Variants in LUZP2 observed in about 807,000 individuals in gnomAD.
LUZP2 encodes the protein leucine zipper protein 2.
Under a neutral mutation model 51.6 loss-of-function variants are expected in LUZP2, and 52 were observed. The ratio of observed to expected loss-of-function variants is 1.01; its 90% CI spans 0.81 to 1.27. LUZP2 has a LOEUF of 1.27. Ranked by LOEUF, LUZP2 falls within the 50% of genes most tolerant of loss-of-function variation. The pLI is 0.00. For synonymous variants in LUZP2, 154 were observed against 137.3 expected, an observed-to-expected ratio of 1.12 and a Z score of -0.85; for missense variants, 436 against 395.4, an observed-to-expected ratio of 1.10 and a Z score of -0.87.
At chr11:24,664,867 A>T (rs370365406) in intron 1 of LUZP2, among the ~76,000 whole-genome samples, 2 of 152,174 alleles carry the variant, frequency 1.3e-5, no homozygotes, top group African/African-American at 4.8e-5. Context: ...AGAGCCCTCA[A>T]GGAGAACCTC....
At chr11:24,558,386 T>A (rs1240629779) in intron 1 of LUZP2, among the ~76,000 whole-genome samples, 6 of 152,128 alleles carry the variant, frequency 3.9e-5, no homozygotes, top group Non-Finnish European at 8.8e-5. Flanking sequence ...TTTGTTTTTT[T>A]TTCATATATC....
chr11:24,797,964 C>T (rs1849591994), intron 5 of LUZP2, among the ~76,000 whole-genome samples: 1 of 152,004 alleles, frequency 6.6e-6, no homozygotes, highest in African/African-American at 2.4e-5. Flanking sequence ...TGACATGATA[C>T]TAAGAAAAAT....
intron 1 of LUZP2, among the ~76,000 whole-genome samples, chr11:24,670,241 A>G (rs1186471025): frequency 6.6e-6 from 1 of 152,064 alleles, no homozygotes; most frequent in African/African-American, 2.4e-5. Flanking sequence ...CTGTGACCAC[A>G]GATAAGTCAC....
chr11:24,505,794 A>C (rs1191612226), intron 1 of LUZP2, among the ~76,000 whole-genome samples: 3 of 152,146 alleles, frequency 2.0e-5, no homozygotes, highest in Non-Finnish European at 4.4e-5. Flanking sequence ...GGGAACACTA[A>C]TTTAAACAAC....
intron 7 of LUZP2, among the ~76,000 whole-genome samples, chr11:24,963,075 C>T (rs904815527): frequency 8.5e-5 from 13 of 152,240 alleles, no homozygotes; most frequent in South Asian, 2.1e-4. Flanking sequence ...TGCAGAACAG[C>T]GGTTTTTCGT....
At chr11:24,639,733 G>A (rs1200538952) in intron 1 of LUZP2, among the ~76,000 whole-genome samples, 4 of 151,896 alleles carry the variant, frequency 2.6e-5, no homozygotes, top group Non-Finnish European at 4.4e-5. Flanking sequence ...TTACAGGCGT[G>A]AGCCACTGTG....
intron 5 of LUZP2, among the ~76,000 whole-genome samples, chr11:24,767,949 A>G (rs537488031): frequency 2.0e-3 from 298 of 149,194 alleles, no homozygotes; most frequent in Non-Finnish European, 3.6e-3. Flanking sequence ...CACTTTCAAA[A>G]CACCCTTTCT....
intron 5 of LUZP2, among the ~76,000 whole-genome samples, chr11:24,861,780 G>A (rs1401624406): frequency 6.6e-6 from 1 of 152,200 alleles, no homozygotes; most frequent in South Asian, 2.1e-4. Context: ...CTTTCAGGGA[G>A]CAGTCACAGT....
At chr11:25,042,026 A>G (rs10834588) in intron 9 of LUZP2, among the ~76,000 whole-genome samples, 57,778 of 152,054 alleles carry the variant, frequency 0.38, 13,336 homozygotes, top group East Asian at 0.77. Context: ...TCATGGAAAA[A>G]TTGTCTTCCA....
intron 1 of LUZP2, among the ~76,000 whole-genome samples, chr11:24,593,292 TG>T (rs1853320897): frequency 6.6e-6 from 1 of 152,152 alleles, no homozygotes; most frequent in African/African-American, 2.4e-5. Flanking sequence ...TTTTTGTCAT[TG>T]TATATCATTA....
At chr11:24,587,365 A>AT (rs1853105118) in intron 1 of LUZP2, among the ~76,000 whole-genome samples, 2 of 152,142 alleles carry the variant, frequency 1.3e-5, no homozygotes, top group South Asian at 4.1e-4. Flanking sequence ...ATCTGGAATT[A>AT]TTTTTATTAT....
intron 1 of LUZP2, among the ~76,000 whole-genome samples, chr11:24,534,799 G>A (rs1316841197): frequency 6.6e-6 from 1 of 151,424 alleles, no homozygotes; most frequent in Non-Finnish European, 1.5e-5. Flanking sequence ...TTTGAATGAT[G>A]CTGTGCATAA....
intron 1 of LUZP2, among the ~76,000 whole-genome samples, chr11:24,526,095 A>G (rs1211705146): frequency 1.3e-5 from 2 of 151,136 alleles, no homozygotes; most frequent in Non-Finnish European, 3.0e-5. Context: ...TTCTTTCTGC[A>G]GGGTATGAAT....
chr11:25,010,545 C>T lies in LUZP2; in HGVS notation c.765+27252C>T, dbSNP rs190625249. Among the ~76,000 whole-genome samples, 12 of 150,660 alleles carry T rather than the reference C, an allele frequency of 8.0e-5. No homozygotes were observed. The East Asian group carries it at 2.0e-3, about 25-fold the overall frequency. On this transcript the variant is annotated intron_variant, in intron 9 of 11. Coordinates refer to ENST00000336930, the MANE Select transcript of LUZP2 (RefSeq NM_001009909.4). ...CCTGGATGACAGAGCAAGAGTCCATCTCAGTAATAATAACAATAAGGCCGG... is the reference window on the plus strand; with the variant it reads ...CCTGGATGACAGAGCAAGAGTCCATTTCAGTAATAATAACAATAAGGCCGG...
At chr11:24,916,407 C>T (rs1853791150) in intron 7 of LUZP2, among the ~76,000 whole-genome samples, 1 of 151,896 alleles carries the variant, frequency 6.6e-6, no homozygotes, top group Admixed American at 6.6e-5. Flanking sequence ...ACTATGTATA[C>T]ATGTGCCTTG....
intron 5 of LUZP2, among the ~76,000 whole-genome samples, chr11:24,803,362 C>A (rs1461068176): frequency 6.6e-6 from 1 of 151,944 alleles, no homozygotes; most frequent in Admixed American, 6.6e-5. Context: ...AAACAAAAAA[C>A]AACAACAGAA....
intron 1 of LUZP2, among the ~76,000 whole-genome samples, chr11:24,724,433 G>T (rs1227728462): frequency 2.0e-5 from 3 of 151,964 alleles, no homozygotes; most frequent in African/African-American, 4.8e-5. Flanking sequence ...TTAGCTGGGG[G>T]TAGTGACGTG....
chr11:24,824,995 T>G (rs1850481295), intron 5 of LUZP2, among the ~76,000 whole-genome samples: 1 of 152,156 alleles, frequency 6.6e-6, no homozygotes, highest in Non-Finnish European at 1.5e-5. Context: ...CAATGTTAGA[T>G]CTGATGCTTG....
Position 24,950,521 on chromosome 11 carries a change from T to C in LUZP2, c.523-26070T>C, listed in dbSNP as rs1855045149. Among the ~76,000 whole-genome samples, 7 of 151,722 alleles carry C rather than the reference T, an allele frequency of 4.6e-5. No homozygotes were observed. In the South Asian group the frequency reaches 1.4e-3, roughly 31 times the overall value. ...ATCTCTATTTTGACAGATACAATTATGAGGCATGCAACCTCTCTAACCGTA... is the reference window on the plus strand; with the variant it reads ...ATCTCTATTTTGACAGATACAATTACGAGGCATGCAACCTCTCTAACCGTA... On this transcript the variant is annotated intron_variant, in intron 7 of 11. Coordinates refer to ENST00000336930, the MANE Select transcript of LUZP2 (RefSeq NM_001009909.4).
Sources: allele counts gnomAD v4.1 joint callset (sites outside exome capture counted in the v4.1 genomes callset), GRCh38; gene constraint gnomAD v4.1.1; transcripts MANE v1.5; gene names NCBI Gene and HGNC (gene_info 2026-07-23, HGNC 2026-07-21).